DIS3L2: variants seen among roughly 807,000 people sequenced by gnomAD.
DIS3L2 encodes DIS3-like exonuclease 2.
DIS3L2 carries 34 observed loss-of-function variants against 97.5 expected under a neutral mutation model. That is an observed-to-expected ratio of 0.35 (90% confidence interval 0.27 to 0.46). DIS3L2 has a LOEUF of 0.46. Among genes scored for constraint, DIS3L2 ranks in the 20% least tolerant of loss-of-function variants. The pLI, the probability that DIS3L2 is intolerant of heterozygous loss-of-function variation, is 1.00. For missense variants in DIS3L2, 1,038 were observed against 1,146.0 expected (o/e 0.91, Z 1.36); for synonymous variants, 435 against 445.2 (o/e 0.98, Z 0.29).
At chr2:232,098,868 C>A (rs956315159) in intron 6 of DIS3L2, among the ~76,000 whole-genome samples, 3 of 152,094 alleles carry the variant, frequency 2.0e-5, no homozygotes, top group Non-Finnish European at 2.9e-5. Context: ...ATTCATAGAA[C>A]AAACATTTTT....
intron 1 of DIS3L2, among the ~76,000 whole-genome samples, chr2:231,985,327 A>G (rs986018261): frequency 1.3e-5 from 2 of 152,232 alleles, no homozygotes; most frequent in Non-Finnish European, 2.9e-5. Flanking sequence ...ACAGAATCAT[A>G]TAGTATGTAA....
At position 232,015,662 on chromosome 2, in the gene DIS3L2, A is replaced by C. The variant is rs1336987205; in HGVS notation, c.201A>C (p.Thr67=). 1 of 1,613,732 alleles carries C rather than the reference A, an allele frequency of 6.2e-7. No homozygotes were observed. The highest frequency in any genetic ancestry group is 1.3e-5 in the African/African-American group (1 of 75,012). Residue 67 remains threonine (T), a synonymous_variant, in exon 3 of 21, where the codon ACA becomes ACC. Transcript: ENST00000325385. ...EDVSEGLKRG[T]LIQGVLRINP... ...TTTCAGAAGGCTTGAAGAGAGGAAC[A>C]CTCATCCAGGTGCTTAAAATCTACT...
At chr2:232,019,687 A>G (rs1443386941) in intron 3 of DIS3L2, among the ~76,000 whole-genome samples, 1 of 151,878 alleles carries the variant, frequency 6.6e-6, no homozygotes, top group Non-Finnish European at 1.5e-5. Context: ...TATTCATAAC[A>G]TTAATACTGG....
chr2:232,096,317 A>C (rs1340452053), intron 6 of DIS3L2, among the ~76,000 whole-genome samples: 2 of 149,782 alleles, frequency 1.3e-5, no homozygotes, highest in Non-Finnish European at 3.0e-5. Flanking sequence ...TGATCTCCTG[A>C]CCTCGTGATC....
At chr2:232,063,364 A>G (rs1414156442) in intron 5 of DIS3L2, among the ~76,000 whole-genome samples, 1 of 152,178 alleles carries the variant, frequency 6.6e-6, no homozygotes, top group Non-Finnish European at 1.5e-5. Flanking sequence ...AAGTTGAGAA[A>G]AAAAGAAACT....
Position 232,330,680 on chromosome 2 carries a change from T to A in DIS3L2, c.1924-10T>A. The A allele has an allele frequency of 6.2e-7, 1 of 1,613,982 alleles. No individual in the cohort carries two copies. The highest frequency in any genetic ancestry group is 8.5e-7 in the Non-Finnish European group (1 of 1,179,998). On this transcript the variant is annotated splice_polypyrimidine_tract_variant and intron_variant, in intron 15 of 20. Transcript: ENST00000325385. ...CACACGTCACATAGGTTTCTGGGAT[T>A]TGCTTCTAGAAAAGCCTGACCCAAA...
intron 14 of DIS3L2, among the ~76,000 whole-genome samples, chr2:232,315,714 C>G (rs1300082499): frequency 6.6e-6 from 1 of 152,192 alleles, no homozygotes; most frequent in African/African-American, 2.4e-5. Context: ...GCGGATGCTT[C>G]TCTGATGGCC....
chr2:232,052,646 T>A (rs1259797606), intron 5 of DIS3L2, among the ~76,000 whole-genome samples: 1 of 152,248 alleles, frequency 6.6e-6, no homozygotes, highest in Non-Finnish European at 1.5e-5. Flanking sequence ...TTTCTTTTTA[T>A]ACACAGTTTC....
At chr2:232,194,158 T>A (rs139140188) in intron 9 of DIS3L2, among the ~76,000 whole-genome samples, 7 of 152,068 alleles carry the variant, frequency 4.6e-5, no homozygotes, top group African/African-American at 7.2e-5. Flanking sequence ...ATATTTGTTA[T>A]CTCTACTATA....
At chr2:232,055,716 C>A (rs982303629) in intron 5 of DIS3L2, among the ~76,000 whole-genome samples, 1 of 152,136 alleles carries the variant, frequency 6.6e-6, no homozygotes, top group African/African-American at 2.4e-5. Flanking sequence ...TGCCCAACAT[C>A]AAGACTTACC....
chr2:232,294,902 A>G (rs540385689), intron 13 of DIS3L2, among the ~76,000 whole-genome samples: 1 of 152,090 alleles, frequency 6.6e-6, no homozygotes, highest in East Asian at 1.9e-4. Flanking sequence ...CATTCCAGAC[A>G]TCTGTCACCC....
In DIS3L2 at chr2:232,336,746, T is replaced by TTTTTA; in HGVS notation, c.*121_*125dup. 2.7e-6 allele frequency: 4 copies of TTTTTA among 1,486,362 alleles called. No homozygotes were observed. The highest frequency in any genetic ancestry group is 3.5e-6 in the Non-Finnish European group (4 of 1,128,998). 92.1% of individuals were successfully genotyped at this position (1,486,362 alleles called of 1,614,324 possible). On this transcript the variant is annotated 3_prime_UTR_variant, in exon 21 of 21. Transcript: ENST00000325385. ...TGGTTTTTAACAACTCAGGGGTTTG[T>TTTTTA]TTTTATTTTTATTTAATTTTTGCAG...
intron 13 of DIS3L2, among the ~76,000 whole-genome samples, chr2:232,271,069 C>T (rs755833414): frequency 7.2e-5 from 11 of 152,154 alleles, no homozygotes; most frequent in South Asian, 2.1e-4. Flanking sequence ...AGACACTTCT[C>T]GTTGTGTTAC....
chr2:232,332,059 C>T (rs1695752153), intron 16 of DIS3L2: 1 of 152,154 alleles, frequency 6.6e-6, no homozygotes, highest in African/African-American at 2.4e-5. Context: ...CCAGGGCTGT[C>T]CGAGGGCTGT....
At chr2:232,122,880 CAA>C (rs1188461149) in intron 6 of DIS3L2, among the ~76,000 whole-genome samples, 2 of 152,106 alleles carry the variant, frequency 1.3e-5, no homozygotes, top group Admixed American at 6.6e-5. Context: ...AATTCAGAGA[CAA>C]AGAGTAATTT....
At chr2:232,023,029 A>G (rs1694562593) in intron 3 of DIS3L2, 1 of 152,134 alleles carries the variant, frequency 6.6e-6, no homozygotes, top group African/African-American at 2.4e-5. Flanking sequence ...AGTGTCCTCT[A>G]CTATACTTCT....
chr2:232,261,927 C>T (rs1006137704), intron 12 of DIS3L2, among the ~76,000 whole-genome samples: 1 of 152,174 alleles, frequency 6.6e-6, no homozygotes, highest in Non-Finnish European at 1.5e-5. Context: ...AAAATTCCTA[C>T]CTCATAGCAT....
At chr2:232,131,354 C>G (rs573673054) in intron 7 of DIS3L2, 3 of 152,260 alleles carry the variant, frequency 2.0e-5, no homozygotes, top group African/African-American at 7.3e-5. Flanking sequence ...TGCAATGGCA[C>G]GATCTTGGCT....
intron 14 of DIS3L2, 124 bp from the exon 15 acceptor site, chr2:232,329,689 G>A (rs986420407): frequency 1.0e-6 from 1 of 968,254 alleles, no homozygotes; most frequent in Non-Finnish European, 1.5e-6. Flanking sequence ...GTAGCTGGGA[G>A]GTTGTCTTTA....
Sources: allele counts gnomAD v4.1 joint callset (sites outside exome capture counted in the v4.1 genomes callset), GRCh38; gene constraint gnomAD v4.1.1; transcripts MANE v1.5; gene names NCBI Gene and HGNC (gene_info 2026-07-23, HGNC 2026-07-21).